Variants in PRDM4 observed in about 807,000 individuals in gnomAD.
PRDM4 encodes PR domain zinc finger protein 4.
Under a neutral mutation model 62.3 loss-of-function variants are expected in PRDM4, and 38 were observed. The observed-to-expected ratio is 0.61, with a 90% CI of 0.47 to 0.80. The LOEUF is 0.80. PRDM4 is among the 30% of genes least tolerant of loss of function. The probability of loss-of-function intolerance (pLI) is 0.00; values close to 1 mark genes in which losing one functional copy is unlikely to be tolerated. For missense variants in PRDM4, 858 were observed against 997.1 expected (o/e 0.86, Z 1.88); for synonymous variants, 339 against 348.2 (o/e 0.97, Z 0.30).
chr12:107,739,113 C>G (rs1890432333), intron 11 of PRDM4: 1 of 345,742 alleles, frequency 2.9e-6, no homozygotes, highest in Non-Finnish European at 5.3e-6. Context: ...GTCAATAGTC[C>G]TTTTTGTCTC....
In PRDM4 at chr12:107,734,012, C is replaced by T. The variant is rs1200341398; in HGVS notation, c.*198G>A. 2.3e-5 allele frequency: 13 copies of T among 569,580 alleles called. No homozygotes were observed. The highest frequency in any genetic ancestry group is 3.6e-5 in the Non-Finnish European group (12 of 335,642). 35.3% of individuals were successfully genotyped at this position (569,580 alleles called of 1,614,324 possible). On this transcript the variant is annotated 3_prime_UTR_variant, in exon 12 of 12. Transcript: ENST00000228437. ...TCCACCACTTAAAACAGGACACATG[C>T]TCAGTTTTCCCAATCTGTTTTAAAG...
In PRDM4 at chr12:107,741,223, A is replaced by G. The variant is rs753927429; in HGVS notation, c.1647T>C (p.Cys549=). 1 of 1,613,804 alleles carries G rather than the reference A, an allele frequency of 6.2e-7. No homozygotes were observed. Among genetic ancestry groups the G allele is most frequent in the Non-Finnish European group, 8.5e-7 (1 of 1,179,700 alleles). The change falls in exon 10 of 12, where the codon TGT becomes TGC. Residue 549 remains cysteine (C), a synonymous_variant. Transcript: ENST00000228437. ...CTGTGTAAGAATTGCACTCCTTGCC[A>G]CAGTTACAGAGATGCACATCTGGGT... The part of the protein sequence containing the change: ...PEHPDVHLCN[C]GKECNSYTEF...
rs745335192 is a variant in PRDM4 at position 107,754,122 on chromosome 12, A to G, written c.146-13T>C. 1 of 1,559,536 alleles carries G rather than the reference A, an allele frequency of 6.4e-7. No homozygotes were observed. Among genetic ancestry groups the G allele is most frequent in the East Asian group, 2.3e-5 (1 of 43,958 alleles). On this transcript the variant is annotated splice_polypyrimidine_tract_variant and intron_variant, in intron 3 of 11. Coordinates refer to ENST00000228437, the MANE Select transcript of PRDM4 (RefSeq NM_012406.4). ...GCCACTGGGAGGCCTACAAAACAAA[A>G]TTTTTTTTCTCAGTTAAAAGAAAAT...
At chr12:107,739,135 A>G in intron 11 of PRDM4, 2 of 398,968 alleles carry the variant, frequency 5.0e-6, no homozygotes, top group Non-Finnish European at 9.0e-6. Flanking sequence ...AGGTTTTTGT[A>G]GATGTGAAAA....
intron 4 of PRDM4, among the ~76,000 whole-genome samples, chr12:107,752,856 T>C (rs1026371309): frequency 6.6e-6 from 1 of 152,130 alleles, no homozygotes; most frequent in South Asian, 2.1e-4. Flanking sequence ...ATATTATACA[T>C]AAAGACGTTC....
chr12:107,744,764 T>C, intron 6 of PRDM4, 103 bp from the exon 7 acceptor site: 1 of 1,483,524 alleles, frequency 6.7e-7, no homozygotes, highest in Non-Finnish European at 9.1e-7. Flanking sequence ...TTCAATGAAT[T>C]TAACCAATAT....
At chr12:107,739,001 AG>A (rs987776483) in intron 11 of PRDM4, 1 of 162,508 alleles carries the variant, frequency 6.2e-6, no homozygotes, top group Non-Finnish European at 1.3e-5. Flanking sequence ...TTTTCTTAAT[AG>A]GACCAAAGGT....
In PRDM4 at chr12:107,733,968, G is replaced by A. The variant is rs1315896159; in HGVS notation, c.*242C>T. On this transcript the variant is annotated 3_prime_UTR_variant, in exon 12 of 12. Transcript: ENST00000228437. The stretch of plus-strand genomic sequence containing the variant: ...TATCATGTAAATAAAGACCTCAGAA[G>A]TTGACACTTCCCTCCCAGTCCACCA... 4.5e-6 allele frequency: 2 copies of A among 439,838 alleles called. No individual in the cohort carries two copies. 27.2% of individuals were successfully genotyped at this position (439,838 alleles called of 1,614,324 possible).
At position 107,746,407 on chromosome 12, in the gene PRDM4, G is replaced by C; in HGVS notation, c.1144C>G (p.Arg382Gly). 1 of 1,608,444 alleles carries C rather than the reference G, an allele frequency of 6.2e-7. No homozygotes were observed. Among genetic ancestry groups the C allele is most frequent in the Non-Finnish European group, 8.5e-7 (1 of 1,177,158 alleles). Residue 382 changes from arginine (R) to glycine (G), a missense_variant, in exon 6 of 12, where the codon CGC becomes GGC. By Grantham distance (125) the Arg-to-Gly change is moderately radical. Coordinates refer to ENST00000228437, the MANE Select transcript of PRDM4 (RefSeq NM_012406.4). ...LFTIWCTLCD[R>G]AYPSDCPEHG... ...TCGGGACAGTCCGAGGGATAGGCGC[G>C]GTCACACAGAGTACACCCTGTAGAT... is the stretch of plus-strand genomic sequence containing the variant.
At position 107,751,404 on chromosome 12, in the gene PRDM4, AAC is replaced by A; in HGVS notation, c.1126+9_1126+10del. 6.3e-7 allele frequency: 1 copy of A among 1,597,460 alleles called. No individual in the cohort carries two copies. The highest frequency in any genetic ancestry group is 1.1e-5 in the South Asian group (1 of 90,578). ...AAATATTTCCAAAAAAGAAAGGCTA[AAC>A]ACACTCACAAATTGTAAACAAGGTT... On this transcript the variant is annotated intron_variant, in intron 5 of 11. Coordinates refer to ENST00000228437, the MANE Select transcript of PRDM4 (RefSeq NM_012406.4).
chr12:107,744,635 C>T lies in PRDM4; in HGVS notation c.1303G>A (p.Val435Met), dbSNP rs761553806. 6.2e-7 allele frequency: 1 copy of T among 1,613,842 alleles called. No homozygotes were observed. The highest frequency in any genetic ancestry group is 8.5e-7 in the Non-Finnish European group (1 of 1,179,744). The change falls in exon 7 of 12, where the codon GTG becomes ATG. Residue 435 changes from valine (V) to methionine (M), a missense_variant. Physicochemically the swap from Val to Met is conservative, Grantham distance 21. Transcript: ENST00000228437. ...VGVWTGETIP[V>M]RTCFGPLIGQ... is the part of the protein sequence containing the mutation. ...ATTAGAGGTCCAAAGCAAGTCCGCACAGGAATGGTTTCTCCAGTCCATACA... is the reference window on the plus strand; with the variant it reads ...ATTAGAGGTCCAAAGCAAGTCCGCATAGGAATGGTTTCTCCAGTCCATACA...
chr12:107,739,664 G>A, intron 10 of PRDM4, 113 bp from the exon 11 acceptor site: 1 of 1,084,130 alleles, frequency 9.2e-7, no homozygotes, highest in East Asian at 2.5e-5. Context: ...AGAGCTGACT[G>A]GTAAGCAGCA....
rs1469377544 is a variant in PRDM4 at position 107,751,928 on chromosome 12, A to G, written c.613T>C (p.Ser205Pro). 7 of 1,614,222 alleles carry G rather than the reference A, an allele frequency of 4.3e-6. No homozygotes were observed. Among genetic ancestry groups the G allele is most frequent in the Non-Finnish European group, 5.9e-6 (7 of 1,180,042 alleles). The change falls in exon 5 of 12, where the codon TCG (serine) becomes CCG (proline). Residue 205 changes from serine to proline, a missense_variant. By Grantham distance (74) the Ser-to-Pro change is moderately conservative. Transcript: ENST00000228437. Reference protein sequence around the residue: ...ENVSRVTSPISTDGMAEELTM... With the variant: ...ENVSRVTSPIPTDGMAEELTM... ...AGCTCCTCTGCCATTCCATCTGTCG[A>G]AATTGGGCTGGTAACCCTAGAAACG...
chr12:107,745,155 T>C (rs1593167594), intron 6 of PRDM4, among the ~76,000 whole-genome samples: 1 of 152,252 alleles, frequency 6.6e-6, no homozygotes, highest in Middle Eastern at 3.4e-3. Flanking sequence ...TAAAATGTAA[T>C]GAACAGATAA....
chr12:107,758,652 C>G (rs533955385), intron 2 of PRDM4, among the ~76,000 whole-genome samples: 17 of 152,208 alleles, frequency 1.1e-4, no homozygotes, highest in African/African-American at 4.1e-4. Flanking sequence ...AACTATATTG[C>G]CTTTTACACA....
intron 5 of PRDM4, among the ~76,000 whole-genome samples, chr12:107,750,641 A>G (rs1025705967): frequency 2.6e-5 from 4 of 152,176 alleles, no homozygotes; most frequent in Non-Finnish European, 4.4e-5. Flanking sequence ...TTGTTGCCCA[A>G]TAAGAAAAAC....
At chr12:107,740,063 T>C (rs1268851484) in intron 10 of PRDM4, among the ~76,000 whole-genome samples, 4 of 152,156 alleles carry the variant, frequency 2.6e-5, no homozygotes, top group African/African-American at 9.7e-5. Context: ...AAAGGATAGA[T>C]AGAATTTTAG....
intron 4 of PRDM4, among the ~76,000 whole-genome samples, chr12:107,753,061 C>CA (rs1308262556): frequency 6.6e-6 from 1 of 152,178 alleles, no homozygotes; most frequent in Non-Finnish European, 1.5e-5. Context: ...AAAGTAAAGA[C>CA]AGACAATCGT....
At chr12:107,757,691 A>G (rs568222788) in intron 2 of PRDM4, among the ~76,000 whole-genome samples, 22 of 152,280 alleles carry the variant, frequency 1.4e-4, no homozygotes, top group African/African-American at 5.3e-4. Flanking sequence ...ACTGCAAAAC[A>G]CTGCCAAAAA....
Sources: gnomAD v4.1 joint callset for allele counts (sites outside exome capture counted in the v4.1 genomes callset) on GRCh38, gnomAD v4.1.1 for gene constraint, MANE v1.5 for transcripts, NCBI Gene and HGNC (gene_info 2026-07-23, HGNC 2026-07-21) for gene names.